Variants in AIG1 observed in about 807,000 individuals in gnomAD.
The protein encoded by AIG1 is androgen-induced gene 1 protein.
Under a neutral mutation model 31.4 loss-of-function variants are expected in AIG1, and 23 were observed. The observed-to-expected ratio is 0.73, with a 90% CI of 0.53 to 1.04. AIG1 has a LOEUF of 1.04. Among genes scored for constraint, AIG1 ranks in the 50% least tolerant of loss-of-function variants. The pLI is 0.00. For synonymous variants in AIG1, 100 were observed against 110.5 expected (o/e 0.90, Z 0.60); for missense variants, 274 against 295.0 (o/e 0.93, Z 0.52).
chr6:143,141,394 G>A (rs754611937), intron 2 of AIG1, among the ~76,000 whole-genome samples: 13 of 152,186 alleles, frequency 8.5e-5, no homozygotes, highest in Non-Finnish European at 1.3e-4. Flanking sequence ...ATGATTTTGT[G>A]ACCCATGCAC....
At chr6:143,296,585 A>G (rs1012501938) in intron 4 of AIG1, among the ~76,000 whole-genome samples, 1 of 152,136 alleles carries the variant, frequency 6.6e-6, no homozygotes, top group Non-Finnish European at 1.5e-5. Flanking sequence ...AGGCATTTGT[A>G]TCTCCCACAG....
intron 1 of AIG1, among the ~76,000 whole-genome samples, chr6:143,066,263 T>G (rs1024504803): frequency 6.6e-6 from 1 of 151,636 alleles, no homozygotes; most frequent in African/African-American, 2.4e-5. Flanking sequence ...TCTTAATATA[T>G]GAATTCTGCC....
At chr6:143,231,726 T>C (rs1273261640) in intron 3 of AIG1, among the ~76,000 whole-genome samples, 1 of 152,238 alleles carries the variant, frequency 6.6e-6, no homozygotes. Context: ...TTTTACATGC[T>C]TTATTTTGTG....
intron 3 of AIG1, among the ~76,000 whole-genome samples, chr6:143,171,537 A>T (rs1256182752): frequency 1.8e-4 from 24 of 132,284 alleles, no homozygotes; most frequent in Admixed American, 6.1e-4. Flanking sequence ...TAATATATAT[A>T]TTATATATAT....
At chr6:143,092,279 A>ATTT (rs760340815) in intron 1 of AIG1, among the ~76,000 whole-genome samples, 12 of 117,682 alleles carry the variant, frequency 1.0e-4, no homozygotes, top group African/African-American at 1.6e-4. Context: ...TAATTTTTTG[A>ATTT]TTTTTTTTTT....
chr6:143,083,609 G>A (rs1242530209), intron 1 of AIG1, among the ~76,000 whole-genome samples: 1 of 152,122 alleles, frequency 6.6e-6, no homozygotes, highest in Non-Finnish European at 1.5e-5. Flanking sequence ...TTGTCCATTG[G>A]GTTTCTGTAC....
At chr6:143,176,922 A>G (rs1409006800) in intron 3 of AIG1, among the ~76,000 whole-genome samples, 1 of 152,172 alleles carries the variant, frequency 6.6e-6, no homozygotes, top group Non-Finnish European at 1.5e-5. Context: ...TCTTGGAGCA[A>G]GTTCATGATG....
At chr6:143,139,157 T>A (rs1403815585) in intron 2 of AIG1, among the ~76,000 whole-genome samples, 1 of 152,236 alleles carries the variant, frequency 6.6e-6, no homozygotes. Context: ...GTATGTTTCA[T>A]GGTTTATAAA....
At chr6:143,082,323 A>G (rs1395005912) in intron 1 of AIG1, among the ~76,000 whole-genome samples, 1 of 152,116 alleles carries the variant, frequency 6.6e-6, no homozygotes. Context: ...TCAGTATACA[A>G]GTTGAGGTCG....
At chr6:143,301,539 C>T (rs1238807695) in intron 4 of AIG1, among the ~76,000 whole-genome samples, 1 of 152,216 alleles carries the variant, frequency 6.6e-6, no homozygotes, top group South Asian at 2.1e-4. Context: ...TTCTGCAGCA[C>T]TGCGGAGGCC....
In AIG1 at chr6:143,284,120, T is replaced by C. The variant is rs1797530694; in HGVS notation, c.410T>C (p.Val137Ala). ...GWLNHGMHTT[V>A]LPFILIEMRT... Reference sequence around the variant, plus strand: ...TCTGTTATTTTCCAGCACACGACGGTTCTGCCCTTTATATTAATCGAGATG... The same window carrying C: ...TCTGTTATTTTCCAGCACACGACGGCTCTGCCCTTTATATTAATCGAGATG... Residue 137 changes from valine (V) to alanine (A), a missense_variant, in exon 4 of 6, where the codon GTT becomes GCT. Val to Ala is a moderately conservative substitution (Grantham distance 64). Coordinates refer to ENST00000357847, the MANE Select transcript of AIG1 (RefSeq NM_016108.4). The surrounding 1 kb of genome is among the most constrained non-coding windows in gnomAD (Gnocchi z 4.4). The C allele has an allele frequency of 6.2e-7, 1 of 1,613,268 alleles. No individual in the cohort carries two copies. The highest frequency in any genetic ancestry group is 1.3e-5 in the African/African-American group (1 of 74,888).
intron 3 of AIG1, among the ~76,000 whole-genome samples, chr6:143,282,807 T>G (rs1194723317): frequency 6.6e-6 from 1 of 152,254 alleles, no homozygotes; most frequent in Admixed American, 6.5e-5. Context: ...CCTAAGATGT[T>G]CATTTAGATA....
chr6:143,312,022 A>G (rs1459123519), intron 4 of AIG1, among the ~76,000 whole-genome samples: 3 of 152,064 alleles, frequency 2.0e-5, no homozygotes, highest in African/African-American at 7.2e-5. Flanking sequence ...AGAGCTCTAC[A>G]ATGAAAACTA....
At chr6:143,342,868 A>G (rs531258944), downstream of AIG1, 6 of 847,612 alleles carry the variant, frequency 7.1e-6, no homozygotes, top group Admixed American at 1.7e-5. Context: ...TTGTTCTCCA[A>G]TGTTGCTGTC....
At chr6:143,121,997 T>C (rs1486505413) in intron 1 of AIG1, among the ~76,000 whole-genome samples, 3 of 152,182 alleles carry the variant, frequency 2.0e-5, no homozygotes, top group African/African-American at 7.2e-5. Context: ...TTATTGATAG[T>C]TTTAAAATTA....
chr6:143,190,191 G>A, intron 3 of AIG1: 1 of 984,904 alleles, frequency 1.0e-6, no homozygotes. Context: ...ATAGCAGGAT[G>A]AGAAAAAGAA....
intron 1 of AIG1, among the ~76,000 whole-genome samples, chr6:143,115,966 G>C (rs1299852064): frequency 6.6e-6 from 1 of 152,196 alleles, no homozygotes; most frequent in Non-Finnish European, 1.5e-5. Flanking sequence ...ACTTGACTTA[G>C]TGCACATCTA....
chr6:143,307,095 C>G (rs1799370262), intron 4 of AIG1, among the ~76,000 whole-genome samples: 1 of 152,104 alleles, frequency 6.6e-6, no homozygotes, highest in Non-Finnish European at 1.5e-5. Context: ...TCTAGTTATA[C>G]ATTCGTCTAA....
chr6:143,126,250 G>A (rs576356339), intron 1 of AIG1: 6 of 152,346 alleles, frequency 3.9e-5, no homozygotes, highest in African/African-American at 1.2e-4. Context: ...TCTTTTAAAT[G>A]CATTGATTTC....
Sources: gnomAD v4.1 joint callset for allele counts (sites outside exome capture counted in the v4.1 genomes callset) on GRCh38, gnomAD v4.1.1 for gene constraint, Gnocchi (gnomAD v3.1) non-coding constraint, MANE v1.5 for transcripts, NCBI Gene and HGNC (gene_info 2026-07-23, HGNC 2026-07-21) for gene names.